The following ARHGAP15 variants were observed in gnomAD, a reference collection of about 807,000 sequenced individuals.
ARHGAP15 encodes the protein rho GTPase-activating protein 15.
Under a neutral mutation model 63.7 loss-of-function variants are expected in ARHGAP15, and 51 were observed. The observed-to-expected ratio is 0.80, with a 90% CI of 0.64 to 1.01. ARHGAP15 has a LOEUF of 1.01. ARHGAP15 is among the 50% of genes least tolerant of loss of function. The pLI is 0.00. For synonymous variants in ARHGAP15, 191 were observed against 193.8 expected, an observed-to-expected ratio of 0.99 and a Z score of 0.12; for missense variants, 560 against 564.6, an observed-to-expected ratio of 0.99 and a Z score of 0.08.
intron 12 of ARHGAP15, among the ~76,000 whole-genome samples, chr2:143,638,786 A>G (rs1380367731): frequency 1.3e-5 from 2 of 151,788 alleles, no homozygotes; most frequent in Non-Finnish European, 2.9e-5. Context: ...AATCACTAAT[A>G]CTATAAACTA....
intron 10 of ARHGAP15, among the ~76,000 whole-genome samples, chr2:143,521,637 T>G (rs1432121985): frequency 6.6e-6 from 1 of 152,102 alleles, no homozygotes; most frequent in African/African-American, 2.4e-5. Context: ...GAAACTCAAC[T>G]GCAGAGTCAT....
intron 6 of ARHGAP15, among the ~76,000 whole-genome samples, chr2:143,307,722 C>A (rs544940224): frequency 3.3e-5 from 5 of 152,198 alleles, no homozygotes; most frequent in African/African-American, 1.2e-4. Context: ...ATCCAGTTTA[C>A]CTTCCAATGA....
chr2:143,380,971 G>C (rs1056490660), intron 6 of ARHGAP15, among the ~76,000 whole-genome samples: 2 of 152,146 alleles, frequency 1.3e-5, no homozygotes, highest in Non-Finnish European at 2.9e-5. Context: ...TGGACTGTTA[G>C]TTAAGCGAAG....
intron 12 of ARHGAP15, among the ~76,000 whole-genome samples, chr2:143,666,212 A>G (rs1285781283): frequency 6.7e-6 from 1 of 149,530 alleles, no homozygotes; most frequent in African/African-American, 2.4e-5. Context: ...TACTGGTACC[A>G]AAACAGAGAT....
intron 10 of ARHGAP15, among the ~76,000 whole-genome samples, chr2:143,539,504 C>T (rs1694943492): frequency 6.6e-6 from 1 of 152,006 alleles, no homozygotes; most frequent in Admixed American, 6.6e-5. Flanking sequence ...CCTGCTTTCT[C>T]TTGTGGGCAT....
chr2:143,260,378 C>G (rs1680659315), intron 6 of ARHGAP15, among the ~76,000 whole-genome samples: 2 of 152,000 alleles, frequency 1.3e-5, no homozygotes, highest in South Asian at 4.2e-4. Flanking sequence ...TAATGAAAAC[C>G]TTGACCCTTT....
intron 12 of ARHGAP15, among the ~76,000 whole-genome samples, chr2:143,671,350 G>C (rs1682516101): frequency 6.6e-6 from 1 of 152,034 alleles, no homozygotes; most frequent in Non-Finnish European, 1.5e-5. Context: ...TAGCTCCTTA[G>C]AATCTGTCAT....
intron 2 of ARHGAP15, among the ~76,000 whole-genome samples, chr2:143,165,416 G>A (rs1379950466): frequency 6.6e-6 from 1 of 152,086 alleles, no homozygotes; most frequent in African/African-American, 2.4e-5. Flanking sequence ...GAAGGGACAT[G>A]TGTCTCCTTG....
intron 2 of ARHGAP15, among the ~76,000 whole-genome samples, chr2:143,200,959 G>C (rs1477593808): frequency 6.6e-6 from 1 of 151,980 alleles, no homozygotes; most frequent in Non-Finnish European, 1.5e-5. Context: ...CAATGTTTTT[G>C]TCATGCTTAG....
At chr2:143,535,130 A>G (rs1482276779) in intron 10 of ARHGAP15, among the ~76,000 whole-genome samples, 1 of 152,138 alleles carries the variant, frequency 6.6e-6, no homozygotes, top group Non-Finnish European at 1.5e-5. Context: ...GTACAGTAAT[A>G]TACTTCTTTT....
chr2:143,454,301 G>A (rs1352182631), intron 8 of ARHGAP15, among the ~76,000 whole-genome samples: 2 of 151,996 alleles, frequency 1.3e-5, no homozygotes, highest in Non-Finnish European at 2.9e-5. Context: ...TTGTAAGTTA[G>A]GGGTGAATCA....
chr2:143,675,746 A>C (rs2105359520), intron 12 of ARHGAP15, among the ~76,000 whole-genome samples: 1 of 152,312 alleles, frequency 6.6e-6, no homozygotes, highest in East Asian at 1.9e-4. Context: ...TTTATGGAAC[A>C]CAGGCAGATT....
chr2:143,470,995 T>C (rs913348283), intron 8 of ARHGAP15, among the ~76,000 whole-genome samples: 47 of 104,720 alleles, frequency 4.5e-4, no homozygotes, highest in Admixed American at 9.7e-4. Context: ...ATCATATACA[T>C]GTGTGTATAG....
chr2:143,445,852 AAAAG>A (rs1690112329), intron 8 of ARHGAP15, among the ~76,000 whole-genome samples: 1 of 152,184 alleles, frequency 6.6e-6, no homozygotes, highest in Non-Finnish European at 1.5e-5. Flanking sequence ...CAATAAAAGA[AAAAG>A]AAACTCTGTA....
intron 12 of ARHGAP15, among the ~76,000 whole-genome samples, chr2:143,696,663 A>T (rs1454611036): frequency 6.6e-6 from 1 of 152,074 alleles, no homozygotes; most frequent in Admixed American, 6.5e-5. Flanking sequence ...ACAATTATTG[A>T]CTATAAAGAG....
At chr2:143,728,415 T>C (rs986483218) in intron 13 of ARHGAP15, among the ~76,000 whole-genome samples, 3 of 152,140 alleles carry the variant, frequency 2.0e-5, no homozygotes, top group African/African-American at 7.2e-5. Flanking sequence ...TGCCTTATCA[T>C]ATAAATTGGG....
intron 6 of ARHGAP15, among the ~76,000 whole-genome samples, chr2:143,330,392 A>T (rs747524264): frequency 8.5e-5 from 13 of 152,068 alleles, no homozygotes; most frequent in Non-Finnish European, 1.6e-4. Flanking sequence ...GCATAATAGA[A>T]ACAAATTTCT....
chr2:143,618,338 G>A (rs550103295), intron 11 of ARHGAP15, among the ~76,000 whole-genome samples: 2 of 152,142 alleles, frequency 1.3e-5, no homozygotes, highest in African/African-American at 2.4e-5. Context: ...GTTTTGGATC[G>A]ATCATCCCTC....
chr2:143,703,658 T>TTTCTCCAGC, intron 13 of ARHGAP15, 134 bp downstream of exon 13: 1 of 631,896 alleles, frequency 1.6e-6, no homozygotes, highest in Non-Finnish European at 2.6e-6. Context: ...GAACTAGGTC[T>TTTCTCCAGC]TTCTGCAGAA....
Sources: allele counts gnomAD v4.1 joint callset (sites outside exome capture counted in the v4.1 genomes callset), GRCh38; gene constraint gnomAD v4.1.1; transcripts MANE v1.5; gene names NCBI Gene and HGNC (gene_info 2026-07-23, HGNC 2026-07-21).